CCDC148: variants seen among roughly 807,000 people sequenced by gnomAD.
CCDC148 encodes the protein coiled-coil domain-containing protein 148.
In CCDC148, 89 loss-of-function variants were observed where a neutral mutation model predicts 85.7. The ratio of observed to expected loss-of-function variants is 1.04; its 90% CI spans 0.87 to 1.24. The LOEUF (loss-of-function observed/expected upper bound fraction) is 1.24. CCDC148 is among the 50% of genes most tolerant of loss of function. The pLI is 0.00. For synonymous variants in CCDC148, 230 were observed against 213.9 expected (o/e 1.08, Z -0.66); for missense variants, 692 against 671.7 (o/e 1.03, Z -0.33).
chr2:158,191,176 A>G (rs1206461307), intron 11 of CCDC148, among the ~76,000 whole-genome samples: 1 of 152,028 alleles, frequency 6.6e-6, no homozygotes, highest in Non-Finnish European at 1.5e-5. Context: ...CACAAAAGAA[A>G]CCACAGTCTT....
At chr2:158,213,427 A>G (rs1686681734) in intron 11 of CCDC148, among the ~76,000 whole-genome samples, 1 of 152,240 alleles carries the variant, frequency 6.6e-6, no homozygotes, top group South Asian at 2.1e-4. Flanking sequence ...AGATAAGTAG[A>G]TGAAAGGCCA....
At chr2:158,338,344 C>G (rs16842888) in intron 7 of CCDC148, among the ~76,000 whole-genome samples, 1,934 of 152,092 alleles carry the variant, frequency 0.013, 31 homozygotes, top group African/African-American at 0.04. Context: ...GATAAAATTA[C>G]AGTCAATTAC....
chr2:158,179,271 G>C (rs1356305663), intron 11 of CCDC148, among the ~76,000 whole-genome samples: 2 of 133,360 alleles, frequency 1.5e-5, no homozygotes, highest in East Asian at 4.6e-4. Flanking sequence ...CAATTCTCCT[G>C]TCTCAGCCTC....
At chr2:158,421,681 C>G (rs1055002858) in intron 1 of CCDC148, among the ~76,000 whole-genome samples, 1 of 151,752 alleles carries the variant, frequency 6.6e-6, no homozygotes, top group East Asian at 1.9e-4. Context: ...TAAAAGAACT[C>G]AAGAAGCAAG....
intron 8 of CCDC148, among the ~76,000 whole-genome samples, chr2:158,311,157 G>A (rs1002262097): frequency 1.3e-5 from 2 of 152,282 alleles, no homozygotes; most frequent in African/African-American, 4.8e-5. Flanking sequence ...CGGAGATCAC[G>A]CCACTGCACT....
intron 9 of CCDC148, among the ~76,000 whole-genome samples, chr2:158,278,132 T>C (rs933248783): frequency 3.9e-5 from 6 of 152,080 alleles, no homozygotes; most frequent in South Asian, 2.1e-4. Flanking sequence ...TATTTGAAAA[T>C]AAAACCGGAG....
At chr2:158,361,865 C>G (rs543592336) in intron 1 of CCDC148, among the ~76,000 whole-genome samples, 1 of 151,984 alleles carries the variant, frequency 6.6e-6, no homozygotes, top group Admixed American at 6.6e-5. Flanking sequence ...TTAAAAGACA[C>G]AGACTGACAA....
intron 11 of CCDC148, among the ~76,000 whole-genome samples, chr2:158,220,241 A>G (rs545810158): frequency 1.5e-3 from 223 of 152,298 alleles, no homozygotes; most frequent in African/African-American, 5.2e-3. Flanking sequence ...GTCACAGTAA[A>G]TGGGTCTTCC....
intron 9 of CCDC148, among the ~76,000 whole-genome samples, chr2:158,262,122 C>A (rs1311388752): frequency 1.3e-5 from 2 of 151,996 alleles, no homozygotes; most frequent in African/African-American, 4.8e-5. Context: ...AAATGCCTAC[C>A]AATGACAGAT....
chr2:158,222,410 C>T (rs1022741639), intron 10 of CCDC148, among the ~76,000 whole-genome samples: 1 of 152,160 alleles, frequency 6.6e-6, no homozygotes, highest in Non-Finnish European at 1.5e-5. Context: ...ATCTTTGACT[C>T]TGAAGGTACC....
At chr2:158,189,682 G>A (rs909178681) in intron 11 of CCDC148, among the ~76,000 whole-genome samples, 2 of 151,868 alleles carry the variant, frequency 1.3e-5, no homozygotes, top group Non-Finnish European at 2.9e-5. Context: ...ACCCAGTTTG[G>A]GAAATAATAT....
chr2:158,400,523 G>GT (rs1474445886), intron 1 of CCDC148, among the ~76,000 whole-genome samples: 2 of 152,076 alleles, frequency 1.3e-5, no homozygotes, highest in East Asian at 3.9e-4. Context: ...AGCTGAAACT[G>GT]GATCCTTTCC....
chr2:158,184,026 G>A (rs1685035745), intron 11 of CCDC148, among the ~76,000 whole-genome samples: 1 of 152,060 alleles, frequency 6.6e-6, no homozygotes, highest in Non-Finnish European at 1.5e-5. Flanking sequence ...GAAAAGAATG[G>A]AAATTGCACA....
At position 158,309,616 on chromosome 2, in the gene CCDC148, G is replaced by A; in HGVS notation, c.927C>T (p.Asp309=). ...HDLVEHEKYC[D]QYRFAIEQQN... ...GCTGCTCTATAGCAAAGCGATATTGGTCACAATATTTCTCGTGTTCAACCT... is the reference window on the plus strand; with the variant it reads ...GCTGCTCTATAGCAAAGCGATATTGATCACAATATTTCTCGTGTTCAACCT... Residue 309 remains aspartate (D), a synonymous_variant, in exon 9 of 14, where the codon GAC becomes GAT. Coordinates refer to ENST00000283233, the MANE Select transcript of CCDC148 (RefSeq NM_138803.4). 6.2e-7 allele frequency: 1 copy of A among 1,612,384 alleles called. No individual in the cohort carries two copies. Among genetic ancestry groups the A allele is most frequent in the Non-Finnish European group, 8.5e-7 (1 of 1,178,724 alleles).
At chr2:158,363,614 C>A (rs1451732461) in intron 1 of CCDC148, among the ~76,000 whole-genome samples, 2 of 151,486 alleles carry the variant, frequency 1.3e-5, no homozygotes, top group Admixed American at 1.3e-4. Context: ...AAATTCAACA[C>A]CCTTCATGCT....
intron 7 of CCDC148, among the ~76,000 whole-genome samples, chr2:158,323,919 C>CTTTTTTTTTTTTTTTTTTT (rs777356867): frequency 8.4e-5 from 7 of 82,946 alleles, no homozygotes; most frequent in Non-Finnish European, 1.4e-4. Context: ...CTGGGAATAA[C>CTTTTTTTTTTTTTTTTTTT]TTTTTTTTTT....
At chr2:158,183,262 T>C (rs1684991672) in intron 11 of CCDC148, among the ~76,000 whole-genome samples, 1 of 152,160 alleles carries the variant, frequency 6.6e-6, no homozygotes. Context: ...GAAGGGACAG[T>C]ATGCTTTCAT....
Position 158,416,550 on chromosome 2 carries a change from G to C in CCDC148, c.25+39865C>G, listed in dbSNP as rs143575430. On this transcript the variant is annotated intron_variant, in intron 1 of 13. Coordinates refer to ENST00000283233, the MANE Select transcript of CCDC148 (RefSeq NM_138803.4). ...AGATCTGGGGCACAATGCTGTATTT[G>C]CTAAAGCCTAACAACAGTGACCTTT... 2.9e-3 allele frequency among the ~76,000 whole-genome samples: 444 copies of C among 152,280 alleles called. 1 individual carries two copies. Among genetic ancestry groups the C allele is most frequent in the Non-Finnish European group, 4.8e-3 (326 of 68,016 alleles).
At chr2:158,255,543 T>C (rs1425190502) in intron 9 of CCDC148, among the ~76,000 whole-genome samples, 4 of 151,620 alleles carry the variant, frequency 2.6e-5, no homozygotes, top group Non-Finnish European at 5.9e-5. Flanking sequence ...CAAACAATTA[T>C]GGTATTTTCA....
Sources: gnomAD v4.1 joint callset for allele counts (sites outside exome capture counted in the v4.1 genomes callset) on GRCh38, gnomAD v4.1.1 for gene constraint, MANE v1.5 for transcripts, NCBI Gene and HGNC (gene_info 2026-07-23, HGNC 2026-07-21) for gene names.